Variants in BRCA2 observed in about 807,000 individuals in gnomAD.
The protein encoded by BRCA2 is BRCA2 DNA repair associated.
In BRCA2, 203 loss-of-function variants were observed where a neutral mutation model predicts 276.7. The observed-to-expected ratio is 0.73, with a 90% CI of 0.65 to 0.82. The LOEUF (loss-of-function observed/expected upper bound fraction) is 0.82, where lower values mean the gene tolerates loss of function less well. Among genes scored for constraint, BRCA2 ranks in the 40% least tolerant of loss-of-function variants. BRCA2 has a pLI of 0.00. For synonymous variants in BRCA2, 1,289 were observed against 1,338.4 expected (o/e 0.96, Z 0.81); for missense variants, 3,920 against 3,915.0 (o/e 1.00, Z -0.03).
chr13:32,351,313 A>G (rs1254924838), intron 13 of BRCA2, among the ~76,000 whole-genome samples: 2 of 151,746 alleles, frequency 1.3e-5, no homozygotes, highest in South Asian at 2.1e-4. Context: ...GCCATCTTTG[A>G]GAGCTGTAAC....
chr13:32,327,893 T>C (rs1043700571), intron 7 of BRCA2, among the ~76,000 whole-genome samples: 14 of 151,476 alleles, frequency 9.2e-5, no homozygotes, highest in Non-Finnish European at 1.6e-4. Flanking sequence ...CTCTTAGCCT[T>C]CCAAGTATCT....
chr13:32,337,954 G>T lies in BRCA2; in HGVS notation c.3599G>T (p.Cys1200Phe), dbSNP rs1555283305. The change falls in exon 11 of 27, where the codon TGT becomes TTT. Residue 1200 changes from cysteine (C) to phenylalanine (F), a missense_variant. Transcript: ENST00000380152. ...RKFAGLLKND[C>F]NKSASGYLTD... ...TTTGCTGGCCTGTTGAAAAATGACT[G>T]TAACAAAAGTGCTTCTGGTTATTTA... 6.2e-7 allele frequency: 1 copy of T among 1,613,832 alleles called. No individual in the cohort carries two copies. Among genetic ancestry groups the T allele is most frequent in the Admixed American group, 1.7e-5 (1 of 59,992 alleles).
intron 18 of BRCA2, among the ~76,000 whole-genome samples, chr13:32,368,001 CTTTTTTTTTTTTTTTTTTTT>C (rs71071031): frequency 5.9e-5 from 3 of 50,728 alleles, no homozygotes; most frequent in East Asian, 7.3e-4. Flanking sequence ...TCTTCTAATT[CTTTTTTTTTTTTTTTTTTTT>C]TTTTTTTTTT....
At chr13:32,395,234 G>T (rs2073028124) in intron 25 of BRCA2, among the ~76,000 whole-genome samples, 2 of 152,154 alleles carry the variant, frequency 1.3e-5, no homozygotes, top group African/African-American at 4.8e-5. Context: ...AGTTATCTGT[G>T]GTTTGCAGCA....
rs2137669691 is a variant in BRCA2, at chr13:32,399,103, C to A, written c.*333C>A. The A allele has an allele frequency of 7.0e-6, 2 of 284,292 alleles. No homozygotes were observed. Among genetic ancestry groups the A allele is most frequent in the Admixed American group, 5.0e-5 (1 of 19,938 alleles). 17.6% of individuals were successfully genotyped at this position (284,292 alleles called of 1,614,324 possible). On this transcript the variant is annotated 3_prime_UTR_variant, in exon 27 of 27. Coordinates refer to ENST00000380152, the MANE Select transcript of BRCA2 (RefSeq NM_000059.4). The stretch of plus-strand genomic sequence containing the variant: ...AGTGCTTGAGGCCAGGAGTTCAAGA[C>A]CAGCCTGGGCAACATAGGGAGACCC...
At chr13:32,381,956 A>T (rs1359021711) in intron 24 of BRCA2, among the ~76,000 whole-genome samples, 1 of 152,192 alleles carries the variant, frequency 6.6e-6, no homozygotes, top group Non-Finnish European at 1.5e-5. Flanking sequence ...AGAAGGAAAG[A>T]CTGCAAGAAA....
At chr13:32,331,058 G>C (rs2137462486) in intron 9 of BRCA2, 28 bp downstream of exon 9, 2 of 1,507,094 alleles carry the variant, frequency 1.3e-6, no homozygotes, top group Non-Finnish European at 1.8e-6. Flanking sequence ...TTGAACTACA[G>C]GTTTTTTTGT....
At chr13:32,370,732 C>T (rs1352821918) in intron 19 of BRCA2, among the ~76,000 whole-genome samples, 175 bp downstream of exon 19, 1 of 152,094 alleles carries the variant, frequency 6.6e-6, no homozygotes, top group East Asian at 1.9e-4. Flanking sequence ...CTCAGCCTCT[C>T]AAGTAGCTGA....
In BRCA2 at chr13:32,336,488, C is replaced by G. The variant is rs535547513; in HGVS notation, c.2133C>G (p.Cys711Trp). ...CCCCAGAAGCTGATTCTCTGTCATG[C>G]CTGCAGGAAGGACAGTGTGAAAATG... ...FITPEADSLS[C>W]LQEGQCENDP... Residue 711 changes from cysteine to tryptophan, a missense_variant, in exon 11 of 27, where the codon TGC (cysteine) becomes TGG (tryptophan). Around this residue, in one of 2 missense-constraint regions of BRCA2, gnomAD observed 3,263 missense variants for 3,156.9 expected, o/e 1.03. Coordinates refer to ENST00000380152, the MANE Select transcript of BRCA2 (RefSeq NM_000059.4). 5 of 1,613,994 alleles carry G rather than the reference C, an allele frequency of 3.1e-6. No individual in the cohort carries two copies. The highest frequency in any genetic ancestry group is 4.2e-6 in the Non-Finnish European group (5 of 1,180,004).
At chr13:32,330,160 C>T (rs1308798540) in intron 8 of BRCA2, among the ~76,000 whole-genome samples, 2 of 152,164 alleles carry the variant, frequency 1.3e-5, no homozygotes, top group East Asian at 1.9e-4. Context: ...CGTTTAGGCT[C>T]TATGCTTTCT....
At chr13:32,369,250 G>C (rs909196541) in intron 18 of BRCA2, among the ~76,000 whole-genome samples, 7 of 151,898 alleles carry the variant, frequency 4.6e-5, no homozygotes, top group Non-Finnish European at 8.8e-5. Context: ...CAAGAATAGG[G>C]TCCTGGGTTC....
chr13:32,367,136 C>G (rs2072788422), intron 18 of BRCA2, among the ~76,000 whole-genome samples: 1 of 151,890 alleles, frequency 6.6e-6, no homozygotes, highest in Non-Finnish European at 1.5e-5. Context: ...ATTTGAGCAT[C>G]AGAAAGGATA....
chr13:32,322,474 GC>G (rs895214461), intron 3 of BRCA2, among the ~76,000 whole-genome samples: 11 of 152,178 alleles, frequency 7.2e-5, no homozygotes, highest in African/African-American at 2.4e-4. Context: ...AAAGGGCTGG[GC>G]CGAAGTAAAG....
Position 32,332,765 on chromosome 13 carries a change from A to G in BRCA2, c.1287A>G (p.Leu429=), listed in dbSNP as rs80359782. 9.3e-6 allele frequency: 15 copies of G among 1,608,606 alleles called. 1 individual carries two copies. The South Asian group carries it at 1.7e-4, about 18-fold the overall frequency. Residue 429 remains leucine, a synonymous_variant, in exon 10 of 27, where the codon TTA becomes TTG. Coordinates refer to ENST00000380152, the MANE Select transcript of BRCA2 (RefSeq NM_000059.4). The part of the protein sequence containing the change: ...CDQNISEKDL[L]DTENKRKKDF... ...AAAATATTTCAGAAAAAGACCTATT[A>G]GACACAGAGAACAAAAGAAAGAAAG...
In BRCA2 at chr13:32,339,664, C is replaced by G. The variant is rs2072526480; in HGVS notation, c.5309C>G (p.Ser1770Cys). ...SGYLSKNKLD[S>C]GIEPVLKNVE... ...TATCTCTCAAAAAATAAACTTGATTCTGGTATTGAGCCAGTATTGAAGAAT... is the reference window on the plus strand; with the variant it reads ...TATCTCTCAAAAAATAAACTTGATTGTGGTATTGAGCCAGTATTGAAGAAT... The change falls in exon 11 of 27, where the codon TCT becomes TGT. Residue 1770 changes from serine (S) to cysteine (C), a missense_variant. This residue lies in a region of BRCA2 where 3,263 missense variants were observed against 3,156.9 expected (regional missense o/e 1.03). Transcript: ENST00000380152. The G allele has an allele frequency of 6.2e-7, 1 of 1,612,170 alleles. No individual in the cohort carries two copies. Among genetic ancestry groups the G allele is most frequent in the African/African-American group, 1.3e-5 (1 of 74,838 alleles).
Position 32,338,395 on chromosome 13 carries a change from T to C in BRCA2, c.4040T>C (p.Val1347Ala), listed in dbSNP as rs2137502358. Residue 1347 changes from valine to alanine, a missense_variant, in exon 11 of 27, where the codon GTT (valine) becomes GCT (alanine). Physicochemically the swap from Val to Ala is moderately conservative, Grantham distance 64. Around this residue, in one of 2 missense-constraint regions of BRCA2, gnomAD observed 3,263 missense variants for 3,156.9 expected, o/e 1.03. Coordinates refer to ENST00000380152, the MANE Select transcript of BRCA2 (RefSeq NM_000059.4). ...DGSDSSKNDT[V>A]CIHKDETDLL... ...AGTGATTCAAGTAAAAATGATACTG[T>C]TTGTATTCATAAAGATGAAACGGAC... is the stretch of plus-strand genomic sequence containing the variant. The C allele has an allele frequency of 6.2e-7, 1 of 1,600,388 alleles. No homozygotes were observed. The highest frequency in any genetic ancestry group is 8.5e-7 in the Non-Finnish European group (1 of 1,175,516).
intron 1 of BRCA2, 120 bp from the exon 2 acceptor site, chr13:32,316,302 T>C: frequency 4.2e-6 from 3 of 714,374 alleles, no homozygotes; most frequent in South Asian, 1.6e-5. Context: ...CTGTTACCGT[T>C]CCAGGAGATG....
chr13:32,396,898 A>C lies in BRCA2; in HGVS notation c.9502A>C (p.Asn3168His). 6.2e-7 allele frequency: 1 copy of C among 1,614,102 alleles called. No individual in the cohort carries two copies. The highest frequency in any genetic ancestry group is 8.5e-7 in the Non-Finnish European group (1 of 1,179,982). The change falls in exon 26 of 27, where the codon AAT becomes CAT. Residue 3168 changes from asparagine to histidine, a missense_variant and splice_region_variant. Physicochemically the swap from Asn to His is moderately conservative, Grantham distance 68 (BLOSUM62 1). Coordinates refer to ENST00000380152, the MANE Select transcript of BRCA2 (RefSeq NM_000059.4). ...TFNKMKNTVE[N>H]IDILCNEAEN... is the part of the protein sequence containing the mutation. ...GCAGCTTTTCCACTTATTTTCTTAG[A>C]ATATTGACATACTTTGCAATGAAGC...
chr13:32,390,234 T>C (rs144776898), intron 24 of BRCA2, among the ~76,000 whole-genome samples: 32 of 152,210 alleles, frequency 2.1e-4, no homozygotes, highest in Non-Finnish European at 3.8e-4. Flanking sequence ...CCCAGACTCT[T>C]TTGTATACCC....
Sources: allele counts gnomAD v4.1 joint callset (sites outside exome capture counted in the v4.1 genomes callset), GRCh38; gene constraint gnomAD v4.1.1; regional missense constraint gnomAD v4.1.1; transcripts MANE v1.5; gene names NCBI Gene and HGNC (gene_info 2026-07-23, HGNC 2026-07-21).